The following COLQ variants were observed in gnomAD, a reference collection of about 807,000 sequenced individuals.
The protein encoded by COLQ is collagen like tail subunit of asymmetric acetylcholinesterase, also known as acetylcholinesterase collagenic tail peptide.
COLQ carries 48 observed loss-of-function variants against 69.0 expected under a neutral mutation model. The observed-to-expected ratio is 0.70, with a 90% CI of 0.55 to 0.88. The LOEUF is 0.88. COLQ is among the 40% of genes least tolerant of loss of function. The pLI, the probability that COLQ is intolerant of heterozygous loss-of-function variation, is 0.00. For synonymous variants in COLQ, 217 were observed against 211.2 expected, an observed-to-expected ratio of 1.03 and a Z score of -0.24; for missense variants, 618 against 594.6, an observed-to-expected ratio of 1.04 and a Z score of -0.41.
At chr3:15,453,728 A>G in intron 16 of COLQ, 101 bp downstream of exon 16, 1 of 802,428 alleles carries the variant, frequency 1.2e-6, no homozygotes, top group Non-Finnish European at 2.1e-6. Context: ...AAGGCACCAC[A>G]AAGTGGAGAG....
At chr3:15,462,637 G>T in intron 12 of COLQ, among the ~76,000 whole-genome samples, 1 of 152,148 alleles carries the variant, frequency 6.6e-6, no homozygotes, top group Non-Finnish European at 1.5e-5. Context: ...ATGTGAAGCT[G>T]ACTCAGCCGC....
intron 12 of COLQ, among the ~76,000 whole-genome samples, chr3:15,458,839 A>G (rs1444155790): frequency 2.6e-5 from 4 of 151,640 alleles, no homozygotes; most frequent in Non-Finnish European, 5.9e-5. Context: ...TTTTTCTTAT[A>G]TATAGAATTT....
intron 1 of COLQ, among the ~76,000 whole-genome samples, chr3:15,502,778 G>C (rs1296041427): frequency 6.6e-6 from 1 of 152,134 alleles, no homozygotes; most frequent in African/African-American, 2.4e-5. Flanking sequence ...GAGGAAAGAG[G>C]GTCATGACTT....
At chr3:15,457,839 G>A (rs1575463074) in intron 13 of COLQ, among the ~76,000 whole-genome samples, 1 of 152,008 alleles carries the variant, frequency 6.6e-6, no homozygotes, top group South Asian at 2.1e-4. Context: ...GGCTGATCTC[G>A]AACTCCTGAC....
In COLQ at chr3:15,456,011, AG is replaced by A. The variant is rs769982050; in HGVS notation, c.1082del (p.Pro361LeufsTer65). ...CTGCAGTGTAATCCACAGGGTAGAAAGGGGTCAGCTGGCCAAAGAAGCACAC... is the reference window on the plus strand; with the variant it reads ...CTGCAGTGTAATCCACAGGGTAGAAAGGGTCAGCTGGCCAAAGAAGCACAC... ...SLGWLPIQLT[P>X]FYPVDYTADQ... On this transcript the variant is annotated frameshift_variant, in exon 15 of 17. Coordinates refer to ENST00000383788, the MANE Select transcript of COLQ (RefSeq NM_005677.4). LOFTEE classifies it high-confidence loss of function. 110 of 1,613,850 alleles carry A rather than the reference AG, an allele frequency of 6.8e-5. 1 individual carries two copies. The highest frequency in any genetic ancestry group is 2.2e-4 in the Admixed American group (13 of 59,966).
intron 1 of COLQ, among the ~76,000 whole-genome samples, chr3:15,508,275 C>A (rs2062937362): frequency 1.3e-5 from 2 of 152,232 alleles, no homozygotes; most frequent in South Asian, 2.1e-4. Flanking sequence ...GCTGTCACAA[C>A]TCTCAACAAC....
intron 1 of COLQ, among the ~76,000 whole-genome samples, chr3:15,505,381 T>C (rs1451648415): frequency 6.6e-6 from 1 of 152,250 alleles, no homozygotes; most frequent in East Asian, 1.9e-4. Flanking sequence ...TTATTTTATA[T>C]AAGTCATATA....
intron 1 of COLQ, among the ~76,000 whole-genome samples, chr3:15,509,056 T>C (rs2062948428): frequency 6.6e-6 from 1 of 152,182 alleles, no homozygotes; most frequent in African/African-American, 2.4e-5. Context: ...TTCAAATGGA[T>C]TTTATTGCTT....
At position 15,479,328 on chromosome 3, in the gene COLQ, T is replaced by C; in HGVS notation, c.366+10A>G. ...AGGAAAGAAGGGTTGAAGAAAGTAGTGGTCCATACCTTTTCTCCCTTTGGT... is the reference window on the plus strand; with the variant it reads ...AGGAAAGAAGGGTTGAAGAAAGTAGCGGTCCATACCTTTTCTCCCTTTGGT... On this transcript the variant is annotated intron_variant, in intron 4 of 16. Transcript: ENST00000383788. The C allele has an allele frequency of 8.1e-6, 13 of 1,613,604 alleles. No homozygotes were observed. Among genetic ancestry groups the C allele is most frequent in the Non-Finnish European group, 1.1e-5 (13 of 1,179,500 alleles).
At chr3:15,467,772 T>A in intron 11 of COLQ, 1 of 433,218 alleles carries the variant, frequency 2.3e-6, no homozygotes, top group Non-Finnish European at 4.6e-6. Context: ...GCCCACCTGA[T>A]GAAATGTAAT....
chr3:15,468,321 G>GTTTTTT (rs540716062), intron 11 of COLQ, among the ~76,000 whole-genome samples: 4 of 71,318 alleles, frequency 5.6e-5, no homozygotes, highest in Non-Finnish European at 1.0e-4. Flanking sequence ...AGTTACTGAA[G>GTTTTTT]TTTTTTTTTT....
At chr3:15,464,035 T>TA (rs1295593596) in intron 12 of COLQ, among the ~76,000 whole-genome samples, 1 of 152,250 alleles carries the variant, frequency 6.6e-6, no homozygotes, top group Non-Finnish European at 1.5e-5. Context: ...TTGCCCTTGC[T>TA]AAAAGCAGGT....
intron 12 of COLQ, among the ~76,000 whole-genome samples, chr3:15,465,600 C>G (rs1401814341): frequency 8.0e-6 from 1 of 124,736 alleles, no homozygotes; most frequent in African/African-American, 3.1e-5. Flanking sequence ...TTAGTAATTT[C>G]TTTCTACATC....
At chr3:15,484,404 T>C (rs990653033) in intron 3 of COLQ, among the ~76,000 whole-genome samples, 5 of 151,700 alleles carry the variant, frequency 3.3e-5, no homozygotes, top group African/African-American at 1.2e-4. Flanking sequence ...AAAGGCAGGC[T>C]CTTCTTGAGG....
intron 10 of COLQ, 76 bp from the exon 11 acceptor site, chr3:15,470,692 C>A: frequency 1.5e-6 from 2 of 1,350,872 alleles, no homozygotes; most frequent in South Asian, 2.3e-5. Context: ...TCTAGCCAGT[C>A]ATTGGCTACG....
At chr3:15,504,420 G>A (rs778790084) in intron 1 of COLQ, among the ~76,000 whole-genome samples, 11 of 152,178 alleles carry the variant, frequency 7.2e-5, no homozygotes, top group African/African-American at 9.7e-5. Flanking sequence ...TCCTCACATG[G>A]CCTCTCTTCG....
chr3:15,501,812 G>T (rs536045542), intron 1 of COLQ, among the ~76,000 whole-genome samples: 1 of 152,282 alleles, frequency 6.6e-6, no homozygotes, highest in Non-Finnish European at 1.5e-5. Context: ...CTATCATGAT[G>T]TCTCCTCTTA....
chr3:15,499,003 G>T, intron 1 of COLQ: 4 of 1,100,504 alleles, frequency 3.6e-6, no homozygotes, highest in South Asian at 2.4e-5. Flanking sequence ...TGACTGCTCT[G>T]GTAAGCCTCA....
chr3:15,500,709 C>T (rs1310148953), intron 1 of COLQ, among the ~76,000 whole-genome samples: 1 of 151,800 alleles, frequency 6.6e-6, no homozygotes, highest in Non-Finnish European at 1.5e-5. Flanking sequence ...GTCTCTGTGT[C>T]TCTCTATCTA....
Sources: allele counts gnomAD v4.1 joint callset (sites outside exome capture counted in the v4.1 genomes callset), GRCh38; gene constraint gnomAD v4.1.1; transcripts MANE v1.5; gene names NCBI Gene and HGNC (gene_info 2026-07-23, HGNC 2026-07-21).